Variants in CNTN4 observed in about 807,000 individuals in gnomAD.
CNTN4 encodes contactin 4, also known as contactin-4.
A neutral mutation model predicts 122.5 loss-of-function variants in CNTN4; 77 were observed. The observed-to-expected ratio is 0.63, with a 90% CI of 0.52 to 0.76. The LOEUF is 0.76. Ranked by LOEUF, CNTN4 falls within the 30% of genes least tolerant of loss-of-function variation. CNTN4 has a pLI of 0.00. For synonymous variants in CNTN4, 512 were observed against 447.0 expected, an observed-to-expected ratio of 1.15 and a Z score of -1.83; for missense variants, 1,256 against 1,259.1, an observed-to-expected ratio of 1.00 and a Z score of 0.04.
chr3:2,187,630 G>C (rs2037334044), intron 2 of CNTN4, among the ~76,000 whole-genome samples: 1 of 152,152 alleles, frequency 6.6e-6, no homozygotes, highest in Non-Finnish European at 1.5e-5. Context: ...CGTCTTAGTT[G>C]TAGTGTGTGT....
chr3:2,329,210 A>G (rs930407439), intron 2 of CNTN4, among the ~76,000 whole-genome samples: 1 of 152,232 alleles, frequency 6.6e-6, no homozygotes, highest in Non-Finnish European at 1.5e-5. Context: ...TGCAATGACC[A>G]TATTTTTTAA....
chr3:2,892,716 T>C (rs1213099852), intron 10 of CNTN4, among the ~76,000 whole-genome samples: 1 of 152,174 alleles, frequency 6.6e-6, no homozygotes, highest in Non-Finnish European at 1.5e-5. Flanking sequence ...TTGTAACAGG[T>C]GTTATGAGAG....
intron 4 of CNTN4, among the ~76,000 whole-genome samples, chr3:2,722,441 A>G (rs1158392485): frequency 1.3e-5 from 2 of 152,148 alleles, no homozygotes; most frequent in Admixed American, 6.5e-5. Context: ...TGCTTTTGCA[A>G]TAAAGGTAGA....
intron 2 of CNTN4, among the ~76,000 whole-genome samples, chr3:2,129,959 T>TAAGTAA (rs2034373254): frequency 6.6e-6 from 1 of 152,040 alleles, no homozygotes; most frequent in Non-Finnish European, 1.5e-5. Flanking sequence ...AAATTTTACA[T>TAAGTAA]ATTATCAGTT....
intron 2 of CNTN4, among the ~76,000 whole-genome samples, chr3:2,215,726 CA>C (rs1460917987): frequency 2.0e-5 from 3 of 151,512 alleles, no homozygotes; most frequent in Non-Finnish European, 2.9e-5. Flanking sequence ...ACTAAAAATA[CA>C]AAAAATTAGC....
At chr3:2,459,163 T>C (rs1363486938) in intron 3 of CNTN4, among the ~76,000 whole-genome samples, 2 of 152,164 alleles carry the variant, frequency 1.3e-5, no homozygotes, top group East Asian at 1.9e-4. Context: ...ATCTGCCCCA[T>C]GGTGATGCAA....
chr3:2,107,990 A>G (rs1239819165), intron 2 of CNTN4, among the ~76,000 whole-genome samples: 1 of 152,086 alleles, frequency 6.6e-6, no homozygotes, highest in Non-Finnish European at 1.5e-5. Flanking sequence ...TATGGAAGGG[A>G]AATGGAGGTG....
At chr3:2,585,751 A>G (rs1426320505) in intron 4 of CNTN4, among the ~76,000 whole-genome samples, 1 of 151,764 alleles carries the variant, frequency 6.6e-6, no homozygotes, top group African/African-American at 2.4e-5. Context: ...TGACACGTTA[A>G]TGGGTGCAGC....
chr3:2,438,821 G>T (rs1225404788), intron 3 of CNTN4, among the ~76,000 whole-genome samples: 2 of 152,158 alleles, frequency 1.3e-5, no homozygotes, highest in Non-Finnish European at 2.9e-5. Context: ...TTTTAAACAG[G>T]ATATGAAGCC....
intron 2 of CNTN4, among the ~76,000 whole-genome samples, chr3:2,274,951 A>T (rs2041445264): frequency 6.6e-6 from 1 of 152,194 alleles, no homozygotes; most frequent in South Asian, 2.1e-4. Context: ...TGAGGAATGG[A>T]AGGGTTTGGA....
At chr3:2,411,954 TTC>T (rs1350671323) in intron 3 of CNTN4, among the ~76,000 whole-genome samples, 1 of 152,174 alleles carries the variant, frequency 6.6e-6, no homozygotes, top group Middle Eastern at 3.2e-3. Flanking sequence ...ACTTTAAAAG[TTC>T]TCTTTTACTC....
At chr3:2,340,685 TTATATATATA>T (rs373402290) in intron 3 of CNTN4, among the ~76,000 whole-genome samples, 4 of 29,628 alleles carry the variant, frequency 1.4e-4, no homozygotes, top group South Asian at 2.6e-3. Flanking sequence ...GTCATAAATT[TTATATATATA>T]TATATATATA....
intron 4 of CNTN4, among the ~76,000 whole-genome samples, chr3:2,601,765 C>G (rs1310567229): frequency 6.6e-6 from 1 of 151,910 alleles, no homozygotes; most frequent in Non-Finnish European, 1.5e-5. Context: ...ATCCTGATAC[C>G]AAAGCCTGGC....
chr3:2,576,009 G>A lies in CNTN4; in HGVS notation c.55+4451G>A, dbSNP rs1314814331. Among the ~76,000 whole-genome samples, 13 of 151,594 alleles carry A rather than the reference G, an allele frequency of 8.6e-5. No individual in the cohort carries two copies. The East Asian group carries it at 2.2e-3, about 25-fold the overall frequency. On this transcript the variant is annotated intron_variant, in intron 4 of 24. Coordinates refer to ENST00000418658, the MANE Select transcript of CNTN4 (RefSeq NM_175607.3). ...GCCACCATGCCTGGCTAATTTTTTT[G>A]TATTTTTAGTAGAGACGGGGTTTCA...
chr3:3,012,186 C>G (rs1448713378), intron 14 of CNTN4, among the ~76,000 whole-genome samples: 1 of 152,124 alleles, frequency 6.6e-6, no homozygotes. Flanking sequence ...ATCTAGATAG[C>G]TGGTTTTCCT....
intron 3 of CNTN4, among the ~76,000 whole-genome samples, chr3:2,553,679 G>A (rs1000736460): frequency 4.6e-5 from 7 of 152,132 alleles, no homozygotes; most frequent in Non-Finnish European, 1.0e-4. Context: ...AAAGGATGAG[G>A]AAGAGAAAAG....
In CNTN4 at chr3:2,709,693, C is replaced by A. The variant is rs995984128; in HGVS notation, c.56-26522C>A. Among the ~76,000 whole-genome samples, 2 of 152,112 alleles carry A rather than the reference C, an allele frequency of 1.3e-5. No individual in the cohort carries two copies. Among genetic ancestry groups the A allele is most frequent in the African/African-American group, 2.4e-5 (1 of 41,416 alleles). On this transcript the variant is annotated intron_variant, in intron 4 of 24. Coordinates refer to ENST00000418658, the MANE Select transcript of CNTN4 (RefSeq NM_175607.3). The surrounding 1 kb of genome is among the most constrained non-coding windows in gnomAD (Gnocchi z 5.0). ...CTTTGGGAGGCTGAGGCAGGTGGAT[C>A]ACTTGAGGTCAGGAGTTCAAAATCA...
At chr3:2,145,428 CTG>C (rs2035199367) in intron 2 of CNTN4, among the ~76,000 whole-genome samples, 1 of 152,166 alleles carries the variant, frequency 6.6e-6, no homozygotes, top group South Asian at 2.1e-4. Context: ...TCCTTCAGGA[CTG>C]AGATTCAAGG....
At chr3:2,202,804 T>C (rs981839824) in intron 2 of CNTN4, among the ~76,000 whole-genome samples, 32 of 151,922 alleles carry the variant, frequency 2.1e-4, no homozygotes, top group Admixed American at 3.3e-4. Flanking sequence ...AGAATTGCCA[T>C]GTGTTTTTTG....
Sources: allele counts gnomAD v4.1 joint callset (sites outside exome capture counted in the v4.1 genomes callset), GRCh38; gene constraint gnomAD v4.1.1; non-coding constraint Gnocchi (gnomAD v3.1); transcripts MANE v1.5; gene names NCBI Gene and HGNC (gene_info 2026-07-23, HGNC 2026-07-21).